HEMK2: variants seen among roughly 807,000 people sequenced by gnomAD.
The protein encoded by HEMK2 is HemK methyltransferase 2, ETF1 glutamine and histone H4 lysine.
At chr21:28,754,540 T>C in the HEMK2 span, among the ~76,000 whole-genome samples, 1 of 152,206 alleles carries the variant, frequency 6.6e-6, no homozygotes, top group Non-Finnish European at 1.5e-5. Flanking sequence ...CAGCAGGCTC[T>C]TTAGGAAGCG....
chr21:28,600,262 C>T, the HEMK2 span, among the ~76,000 whole-genome samples: 1 of 152,380 alleles, frequency 6.6e-6, no homozygotes, highest in Non-Finnish European at 1.5e-5. Context: ...CATCCAACTG[C>T]TTCTATACAT....
At chr21:28,847,114 TA>T in the HEMK2 span, among the ~76,000 whole-genome samples, 1 of 152,200 alleles carries the variant, frequency 6.6e-6, no homozygotes, top group African/African-American at 2.4e-5. Flanking sequence ...CATGTATTTT[TA>T]AGGCTAAACA....
chr21:28,665,013 C>T, the HEMK2 span, among the ~76,000 whole-genome samples: 1 of 152,072 alleles, frequency 6.6e-6, no homozygotes, highest in Non-Finnish European at 1.5e-5. Flanking sequence ...CACAGTGGCT[C>T]ACGCCTATAA....
the HEMK2 span, among the ~76,000 whole-genome samples, chr21:28,838,275 C>CTA: frequency 6.6e-6 from 1 of 152,168 alleles, no homozygotes; most frequent in African/African-American, 2.4e-5. Flanking sequence ...TGGCTCACAC[C>CTA]TGTAATCCCA....
At chr21:28,877,267 A>AG in the HEMK2 span, among the ~76,000 whole-genome samples, 1 of 83,464 alleles carries the variant, frequency 1.2e-5, no homozygotes, top group African/African-American at 6.0e-5. Context: ...AAGGGAAGGA[A>AG]GGAAGGAAGG....
chr21:28,660,312 C>T, the HEMK2 span, among the ~76,000 whole-genome samples: 4 of 151,652 alleles, frequency 2.6e-5, no homozygotes, highest in African/African-American at 9.7e-5. Context: ...GATAAAAAAA[C>T]TTCCACTAAC....
At chr21:28,880,797 G>A in the HEMK2 span, among the ~76,000 whole-genome samples, 56 of 151,068 alleles carry the variant, frequency 3.7e-4, no homozygotes, top group Admixed American at 1.3e-4. Flanking sequence ...TCACCACGTT[G>A]ATCTCATGTA....
chr21:28,716,917 C>T, the HEMK2 span, among the ~76,000 whole-genome samples: 24,076 of 152,070 alleles, frequency 0.16, 2,126 homozygotes, highest in South Asian at 0.21. Context: ...TGGTGAATCA[C>T]ATTTATTGAT....
the HEMK2 span, among the ~76,000 whole-genome samples, chr21:28,715,168 C>G: frequency 2.0e-5 from 3 of 152,130 alleles, no homozygotes; most frequent in African/African-American, 7.2e-5. Flanking sequence ...AATTTGATTA[C>G]TAGGTCAAAT....
chr21:28,868,948 T>C, the HEMK2 span, among the ~76,000 whole-genome samples: 1 of 152,180 alleles, frequency 6.6e-6, no homozygotes, highest in Non-Finnish European at 1.5e-5. Context: ...GACAATTTTG[T>C]TCGTATTTTC....
the HEMK2 span, among the ~76,000 whole-genome samples, chr21:28,634,742 T>C: frequency 1.3e-5 from 2 of 152,184 alleles, no homozygotes; most frequent in East Asian, 3.9e-4. Context: ...ATTTATAAAA[T>C]GGGGTAATAC....
chr21:28,752,895 T>A, the HEMK2 span, among the ~76,000 whole-genome samples: 173 of 152,294 alleles, frequency 1.1e-3, no homozygotes, highest in African/African-American at 4.0e-3. Flanking sequence ...CATGGGGATG[T>A]GGGGCAGGTA....
chr21:28,841,422 TATAAAATA>T, the HEMK2 span, among the ~76,000 whole-genome samples: 1 of 37,808 alleles, frequency 2.6e-5, no homozygotes, highest in African/African-American at 2.0e-4. Context: ...ATATTATATA[TATAAAATA>T]TATATATTAT....
chr21:28,735,330 T>C, the HEMK2 span, among the ~76,000 whole-genome samples: 2 of 152,230 alleles, frequency 1.3e-5, no homozygotes, highest in African/African-American at 4.8e-5. Flanking sequence ...CTGGAGGCTC[T>C]GGGGGTGAAA....
chr21:28,770,585 G>A, the HEMK2 span, among the ~76,000 whole-genome samples: 1 of 152,048 alleles, frequency 6.6e-6, no homozygotes, highest in African/African-American at 2.4e-5. Flanking sequence ...AGTCACGAGG[G>A]CTCTGTCATC....
chr21:28,829,524 T>C, the HEMK2 span, among the ~76,000 whole-genome samples: 1 of 152,202 alleles, frequency 6.6e-6, no homozygotes, highest in East Asian at 1.9e-4. Flanking sequence ...AGGTCCCTGA[T>C]AGATACCAGT....
the HEMK2 span, among the ~76,000 whole-genome samples, chr21:28,749,282 T>G: frequency 1.3e-5 from 2 of 152,218 alleles, no homozygotes; most frequent in Non-Finnish European, 2.9e-5. Context: ...ATAATCCTAA[T>G]AGCACAACTT....
chr21:28,876,337 T>C, the HEMK2 span: 1 of 1,291,118 alleles, frequency 7.7e-7, no homozygotes, highest in Non-Finnish European at 1.1e-6. Context: ...AGTTTCAAAA[T>C]ATGCTAAATG....
chr21:28,590,864 C>A, the HEMK2 span, among the ~76,000 whole-genome samples: 2 of 152,222 alleles, frequency 1.3e-5, no homozygotes, highest in African/African-American at 4.8e-5. Flanking sequence ...TGTGCTAATG[C>A]AGCAGGCATG....
Sources: allele counts gnomAD v4.1 joint callset (sites outside exome capture counted in the v4.1 genomes callset), GRCh38; gene constraint gnomAD v4.1.1; transcripts MANE v1.5; gene names NCBI Gene and HGNC (gene_info 2026-07-23, HGNC 2026-07-21).